The following MTERF4 variants were observed in gnomAD, a reference collection of about 807,000 sequenced individuals.
MTERF4 encodes transcription termination factor 4, mitochondrial.
A neutral mutation model predicts 22.5 loss-of-function variants in MTERF4; 17 were observed. The ratio of observed to expected loss-of-function variants is 0.75; its 90% CI spans 0.52 to 1.13. MTERF4 has a LOEUF of 1.13. MTERF4 is among the 50% of genes most tolerant of loss of function. The pLI is 0.00. For synonymous variants in MTERF4, 165 were observed against 175.3 expected (o/e 0.94, Z 0.47); for missense variants, 420 against 466.8 (o/e 0.90, Z 0.92).
the MTERF4 span, among the ~76,000 whole-genome samples, chr2:241,060,274 C>T: frequency 2.7e-4 from 41 of 151,996 alleles, no homozygotes; most frequent in Non-Finnish European, 5.0e-4. Context: ...CCTCCGCCTC[C>T]CTGGTTCAAG....
At chr2:241,097,170 T>C in intron 3 of MTERF4, 73 bp downstream of exon 3, 2 of 1,554,538 alleles carry the variant, frequency 1.3e-6, no homozygotes, top group Non-Finnish European at 1.8e-6. Flanking sequence ...CATTCTCACC[T>C]GAAACTACGC....
chr2:241,083,688 C>T (rs933269472), downstream of MTERF4, among the ~76,000 whole-genome samples: 4 of 152,176 alleles, frequency 2.6e-5, no homozygotes, highest in Non-Finnish European at 4.4e-5. Context: ...CTGGTGACCA[C>T]CAAGTATCCA....
At chr2:241,062,913 G>A in the MTERF4 span, 4 of 1,553,924 alleles carry the variant, frequency 2.6e-6, no homozygotes, top group South Asian at 3.5e-5. Flanking sequence ...GGGTAAGAGG[G>A]GCCCTGGCCC....
At chr2:241,058,622 G>C in the MTERF4 span, among the ~76,000 whole-genome samples, 6 of 152,262 alleles carry the variant, frequency 3.9e-5, no homozygotes, top group South Asian at 1.0e-3. Context: ...TACAGAGAAA[G>C]ATCAATGAAA....
chr2:241,053,128 C>A, the MTERF4 span: 1 of 1,598,212 alleles, frequency 6.3e-7, no homozygotes, highest in Non-Finnish European at 8.5e-7. Context: ...CAGGACCGTG[C>A]GAGACAGGCT....
chr2:241,067,544 C>T (rs952339756), downstream of MTERF4, among the ~76,000 whole-genome samples: 3 of 152,176 alleles, frequency 2.0e-5, no homozygotes, highest in Non-Finnish European at 4.4e-5. Flanking sequence ...GCGGGCTCTG[C>T]AGCCGTCATG....
chr2:241,060,020 A>G, the MTERF4 span, among the ~76,000 whole-genome samples: 1 of 152,242 alleles, frequency 6.6e-6, no homozygotes, highest in Non-Finnish European at 1.5e-5. Flanking sequence ...TATAGAACTA[A>G]CAAGTGAATT....
chr2:241,083,308 G>C (rs1338326225), downstream of MTERF4, among the ~76,000 whole-genome samples: 1 of 152,180 alleles, frequency 6.6e-6, no homozygotes, highest in Non-Finnish European at 1.5e-5. Context: ...GGGAGAAGTG[G>C]AGAGTGGTGA....
intron 1 of MTERF4, among the ~76,000 whole-genome samples, chr2:241,101,751 C>T (rs1272198124): frequency 1.3e-5 from 2 of 152,204 alleles, no homozygotes; most frequent in African/African-American, 4.8e-5. Flanking sequence ...AGTTCAAACT[C>T]TTGTTCAACA....
chr2:241,057,927 A>G, the MTERF4 span, among the ~76,000 whole-genome samples: 2 of 152,220 alleles, frequency 1.3e-5, no homozygotes, highest in African/African-American at 2.4e-5. Flanking sequence ...AAAGGAGAAA[A>G]AAGTAATCAG....
chr2:241,046,190 T>G, the MTERF4 span, among the ~76,000 whole-genome samples: 1 of 151,590 alleles, frequency 6.6e-6, no homozygotes, highest in Non-Finnish European at 1.5e-5. Flanking sequence ...ACTGGAACTC[T>G]CACACATTTT....
chr2:241,068,980 C>T, downstream of MTERF4: 1 of 1,556,754 alleles, frequency 6.4e-7, no homozygotes, highest in Non-Finnish European at 8.7e-7. This position sits in a 1 kb window ranked among gnomAD's most constrained non-coding sequence, Gnocchi z 5.3. Flanking sequence ...GAGAGGAGCA[C>T]CCCACAGAGA....
chr2:241,042,840 AAAG>A, the MTERF4 span, among the ~76,000 whole-genome samples: 1 of 152,348 alleles, frequency 6.6e-6, no homozygotes, highest in South Asian at 2.1e-4. Flanking sequence ...ACTAAAAGAA[AAAG>A]AAGAGATCTT....
chr2:241,082,362 C>T (rs766375001), downstream of MTERF4: 7 of 1,612,354 alleles, frequency 4.3e-6, no homozygotes, highest in Middle Eastern at 1.7e-4. Context: ...TCTGTCACCA[C>T]GTGTAAGTTG....
the MTERF4 span, chr2:241,049,867 G>A: frequency 4.3e-6 from 7 of 1,613,694 alleles, no homozygotes; most frequent in African/African-American, 4.0e-5. Flanking sequence ...AGGCTCCTGC[G>A]ATGCCCATGA....
chr2:241,082,971 G>A (rs542559436), downstream of MTERF4, among the ~76,000 whole-genome samples: 9 of 152,168 alleles, frequency 5.9e-5, no homozygotes, highest in East Asian at 7.7e-4. Context: ...GCTGTGTGCC[G>A]GGCACTGTTC....
chr2:241,068,912 G>T (rs376698613), downstream of MTERF4: 12 of 1,548,674 alleles, frequency 7.7e-6, no homozygotes, highest in African/African-American at 1.4e-5. This position sits in a 1 kb window ranked among gnomAD's most constrained non-coding sequence, Gnocchi z 5.3. Context: ...TGCCCACAGG[G>T]CCCTGCTGCC....
At position 241,073,652 on chromosome 2, in the gene MTERF4, TC is replaced by T. The variant is rs1257092812; in HGVS notation, n.2509del. The T allele has an allele frequency of 3.0e-5, 15 of 501,492 alleles. No individual in the cohort carries two copies. The East Asian group carries it at 4.3e-4, about 14-fold the overall frequency. 31.1% of individuals were successfully genotyped at this position (501,492 alleles called of 1,614,324 possible). Reference sequence around the variant, plus strand: ...TGATGCTGCCTCCCCTCCCCTCTCCTCCTTCGCCTCCACATGCAGCAGAGCC... The same window carrying T: ...TGATGCTGCCTCCCCTCCCCTCTCCTCTTCGCCTCCACATGCAGCAGAGCC... On this transcript the variant is annotated non_coding_transcript_exon_variant, in exon 5 of 5. Transcript: ENST00000464344. The surrounding 1 kb of genome is among the most constrained non-coding windows in gnomAD (Gnocchi z 6.6).
chr2:241,078,207 A>AC (rs1417495470), intron 4 of MTERF4, among the ~76,000 whole-genome samples: 1 of 151,542 alleles, frequency 6.6e-6, no homozygotes, highest in Admixed American at 6.6e-5. Flanking sequence ...ACGCGGTGAA[A>AC]CCCCGTCTCT....
Sources: allele counts gnomAD v4.1 joint callset (sites outside exome capture counted in the v4.1 genomes callset), GRCh38; gene constraint gnomAD v4.1.1; non-coding constraint Gnocchi (gnomAD v3.1); transcripts MANE v1.5; gene names NCBI Gene and HGNC (gene_info 2026-07-23, HGNC 2026-07-21).